The following RRN3 variants were observed in gnomAD, a reference collection of about 807,000 sequenced individuals.
The protein encoded by RRN3 is RNA polymerase I transcription factor RRN3.
RRN3 carries 38 observed loss-of-function variants against 82.3 expected under a neutral mutation model. The ratio of observed to expected loss-of-function variants is 0.46; its 90% confidence interval spans 0.36 to 0.61. RRN3 has a LOEUF of 0.61. RRN3 is among the 20% of genes least tolerant of loss of function. The pLI is 0.00. For synonymous variants in RRN3, 284 were observed against 284.3 expected, an observed-to-expected ratio of 1.00 and a Z score of 0.01; for missense variants, 726 against 793.1, an observed-to-expected ratio of 0.92 and a Z score of 1.02.
chr16:15,065,402 G>A (rs369670142), intron 15 of RRN3, 31 bp from the exon 16 acceptor site: 14 of 1,599,008 alleles, frequency 8.8e-6, no homozygotes, highest in Non-Finnish European at 1.2e-5. Context: ...ACAGACAGAG[G>A]CATTAACATG....
intron 15 of RRN3, among the ~76,000 whole-genome samples, chr16:15,066,435 C>A (rs950290859): frequency 1.3e-5 from 2 of 152,024 alleles, no homozygotes; most frequent in Non-Finnish European, 1.5e-5. Flanking sequence ...GAGTTTGAGA[C>A]CAGCCTGGTC....
intron 2 of RRN3, among the ~76,000 whole-genome samples, chr16:15,091,748 C>T (rs1157833829): frequency 6.6e-6 from 1 of 152,206 alleles, no homozygotes; most frequent in African/African-American, 2.4e-5. Context: ...TACATATAAA[C>T]ATATGGTTAC....
Position 15,063,295 on chromosome 16 carries a change from G to C in RRN3, c.1707-12C>G, listed in dbSNP as rs377324702. 2 of 1,596,404 alleles carry C rather than the reference G, an allele frequency of 1.3e-6. No homozygotes were observed. The highest frequency in any genetic ancestry group is 1.7e-6 in the Non-Finnish European group (2 of 1,163,956). On this transcript the variant is annotated splice_polypyrimidine_tract_variant and intron_variant, in intron 16 of 17. Coordinates refer to ENST00000198767, the MANE Select transcript of RRN3 (RefSeq NM_018427.5). ...TGAATTTCTTTGACCTGTCAACAAAGATCACATTTCAAAGTCAAGTTAAAT... is the reference window on the plus strand; with the variant it reads ...TGAATTTCTTTGACCTGTCAACAAACATCACATTTCAAAGTCAAGTTAAAT...
intron 16 of RRN3, among the ~76,000 whole-genome samples, 194 bp from the exon 17 acceptor site, chr16:15,063,477 G>C (rs1240445046): frequency 6.6e-6 from 1 of 152,088 alleles, no homozygotes; most frequent in South Asian, 2.1e-4. Context: ...GGGAGGCTGA[G>C]GTGGGCAGAT....
chr16:15,089,115 C>T (rs1487214896), intron 3 of RRN3, among the ~76,000 whole-genome samples: 2 of 151,746 alleles, frequency 1.3e-5, no homozygotes, highest in Non-Finnish European at 2.9e-5. Flanking sequence ...GCAGCCTGGC[C>T]AGCATGGTGA....
At chr16:15,084,607 A>C (rs774294423) in intron 7 of RRN3, 35 bp downstream of exon 7, 6 of 1,429,242 alleles carry the variant, frequency 4.2e-6, no homozygotes, top group Non-Finnish European at 5.9e-6. Flanking sequence ...TTTTCTTGAG[A>C]ATTAAACATT....
chr16:15,088,210 T>C (rs2045984415), intron 3 of RRN3, among the ~76,000 whole-genome samples: 2 of 152,128 alleles, frequency 1.3e-5, no homozygotes, highest in African/African-American at 4.8e-5. Flanking sequence ...CAGTGGCTCA[T>C]GCCTGTAATC....
intron 14 of RRN3, among the ~76,000 whole-genome samples, chr16:15,069,546 C>G (rs559745375): frequency 7.9e-5 from 12 of 152,304 alleles, no homozygotes; most frequent in African/African-American, 2.9e-4. Flanking sequence ...TCAATTAAGT[C>G]TCAAGGCTTC....
Position 15,060,749 on chromosome 16 carries a change from C to T in RRN3, c.*995G>A, listed in dbSNP as rs893299104. On this transcript the variant is annotated 3_prime_UTR_variant, in exon 18 of 18. Transcript: ENST00000198767. ...CCGAATGTGCGATGCACACAGCCAT[C>T]AGACCAAGACTGCACTAGCAACTTC... is the stretch of plus-strand genomic sequence containing the variant. 1 of 152,306 alleles carries T rather than the reference C, an allele frequency of 6.6e-6. No individual in the cohort carries two copies. The highest frequency in any genetic ancestry group is 1.5e-5 in the Non-Finnish European group (1 of 68,082). 9.4% of individuals were successfully genotyped at this position (152,306 alleles called of 1,614,324 possible).
At chr16:15,070,977 A>T (rs1192301867) in intron 13 of RRN3, 144 bp downstream of exon 13, 7 of 602,534 alleles carry the variant, frequency 1.2e-5, no homozygotes, top group African/African-American at 3.8e-5. Flanking sequence ...ACCACTTAGA[A>T]ATATAAACAT....
intron 9 of RRN3, among the ~76,000 whole-genome samples, chr16:15,079,298 G>T (rs1270937705): frequency 2.0e-5 from 3 of 152,132 alleles, no homozygotes; most frequent in Non-Finnish European, 4.4e-5. Context: ...GCACCTTAGT[G>T]CGGGCCTCCT....
intron 8 of RRN3, among the ~76,000 whole-genome samples, chr16:15,083,226 T>C (rs999313299): frequency 6.6e-6 from 1 of 152,094 alleles, no homozygotes; most frequent in Non-Finnish European, 1.5e-5. Context: ...TGGTGAAACC[T>C]TGTCTCTACT....
At position 15,092,557 on chromosome 16, in the gene RRN3, A is replaced by T. The variant is rs140745047; in HGVS notation, c.147T>A (p.Thr49=). ...NDFFNSPPRK[T]VRFGGTVTEV... ...CTGTCACAGTTCCACCAAACCGAACAGTTTTTCTTGGGGGAGAATTGAAAA... is the reference window on the plus strand; with the variant it reads ...CTGTCACAGTTCCACCAAACCGAACTGTTTTTCTTGGGGGAGAATTGAAAA... The change falls in exon 2 of 18, where the codon ACT becomes ACA. Residue 49 remains threonine, a synonymous_variant. Transcript: ENST00000198767. The T allele has an allele frequency of 4.3e-6, 7 of 1,613,738 alleles. No individual in the cohort carries two copies. The South Asian group carries it at 7.7e-5, about 18-fold the overall frequency.
chr16:15,078,156 A>G (rs1241638979), intron 9 of RRN3, among the ~76,000 whole-genome samples: 5 of 152,210 alleles, frequency 3.3e-5, no homozygotes, highest in East Asian at 1.9e-4. Flanking sequence ...GAAAGACTAT[A>G]AAGAGTACAT....
At chr16:15,073,472 GAC>G (rs2045325629) in intron 11 of RRN3, among the ~76,000 whole-genome samples, 1 of 151,920 alleles carries the variant, frequency 6.6e-6, no homozygotes, top group Non-Finnish European at 1.5e-5. Flanking sequence ...AAAAAAGAAA[GAC>G]AGACATTATC....
chr16:15,074,307 A>G (rs2045360406), intron 11 of RRN3, among the ~76,000 whole-genome samples: 1 of 152,200 alleles, frequency 6.6e-6, no homozygotes, highest in South Asian at 2.1e-4. Flanking sequence ...TTAAAGTTCC[A>G]TGAAGTCAAG....
At chr16:15,061,932 A>G (rs769478361) in intron 17 of RRN3, 27 bp from the exon 18 acceptor site, 1 of 1,596,188 alleles carries the variant, frequency 6.3e-7, no homozygotes, top group East Asian at 2.3e-5. Flanking sequence ...AATCATCAGT[A>G]ACATCACCAG....
chr16:15,089,727 G>C (rs1415278663), intron 3 of RRN3, among the ~76,000 whole-genome samples: 1 of 142,790 alleles, frequency 7.0e-6, no homozygotes, highest in South Asian at 2.2e-4. Flanking sequence ...TTGAACCCGG[G>C]AGGCGGAGCT....
intron 3 of RRN3, among the ~76,000 whole-genome samples, chr16:15,088,939 C>A (rs1444351197): frequency 2.6e-5 from 4 of 151,802 alleles, no homozygotes; most frequent in Admixed American, 2.6e-4. Flanking sequence ...TGGAGCCCAG[C>A]CAAGAGTGGA....
Sources: allele counts gnomAD v4.1 joint callset (sites outside exome capture counted in the v4.1 genomes callset), GRCh38; gene constraint gnomAD v4.1.1; transcripts MANE v1.5; gene names NCBI Gene and HGNC (gene_info 2026-07-23, HGNC 2026-07-21).